MNAT1: variants seen among roughly 807,000 people sequenced by gnomAD.
The protein encoded by MNAT1 is CDK-activating kinase assembly factor MAT1.
Under a neutral mutation model 42.0 loss-of-function variants are expected in MNAT1, and 43 were observed. The observed-to-expected ratio is 1.02, with a 90% CI of 0.80 to 1.32. The LOEUF is 1.32. Ranked by LOEUF, MNAT1 falls within the 40% of genes most tolerant of loss-of-function variation. The pLI is 0.00. For synonymous variants in MNAT1, 118 were observed against 120.0 expected, an observed-to-expected ratio of 0.98 and a Z score of 0.11; for missense variants, 306 against 350.4, an observed-to-expected ratio of 0.87 and a Z score of 1.01.
At chr14:60,918,027 T>A (rs2035564325) in intron 7 of MNAT1, among the ~76,000 whole-genome samples, 2 of 151,910 alleles carry the variant, frequency 1.3e-5, no homozygotes, top group Non-Finnish European at 2.9e-5. Context: ...CTTATCATTA[T>A]CTCTTACTCT....
chr14:60,772,724 A>G (rs1195987810), intron 1 of MNAT1, among the ~76,000 whole-genome samples: 1 of 152,226 alleles, frequency 6.6e-6, no homozygotes, highest in South Asian at 2.1e-4. Context: ...CACAAAGTAT[A>G]TAATCTTATA....
chr14:60,832,503 T>C (rs1159434061), intron 6 of MNAT1, among the ~76,000 whole-genome samples: 3 of 152,170 alleles, frequency 2.0e-5, no homozygotes, highest in Non-Finnish European at 2.9e-5. Flanking sequence ...TGTGGCGTTA[T>C]TTTTGAGGCC....
chr14:60,845,117 A>G (rs1184316576), intron 6 of MNAT1, among the ~76,000 whole-genome samples: 1 of 151,850 alleles, frequency 6.6e-6, no homozygotes, highest in Non-Finnish European at 1.5e-5. Flanking sequence ...AATGCTAGCA[A>G]TGGTTTTGTT....
At chr14:60,878,180 A>G (rs924771097) in intron 6 of MNAT1, among the ~76,000 whole-genome samples, 2 of 152,134 alleles carry the variant, frequency 1.3e-5, no homozygotes, top group Admixed American at 1.3e-4. Context: ...TTTGTGGAAA[A>G]TGGAATTAAA....
At chr14:60,793,482 C>G (rs552539662) in intron 1 of MNAT1, among the ~76,000 whole-genome samples, 3 of 152,258 alleles carry the variant, frequency 2.0e-5, no homozygotes, top group Non-Finnish European at 4.4e-5. Flanking sequence ...CCTGCCTCAG[C>G]CTCCTGAGTA....
intron 1 of MNAT1, among the ~76,000 whole-genome samples, chr14:60,780,770 C>G (rs1034207954): frequency 1.3e-5 from 2 of 152,008 alleles, no homozygotes; most frequent in Non-Finnish European, 2.9e-5. Flanking sequence ...ACCTATTTGA[C>G]TCACCATGGA....
Position 60,958,613 on chromosome 14 carries a change from TTCCTTCTTTC to T in MNAT1, c.810-9615_810-9606del, listed in dbSNP as rs986668592. On this transcript the variant is annotated intron_variant, in intron 7 of 7. Transcript: ENST00000261245. Reference sequence around the variant, plus strand: ...TCTTTCTCTTTCTCTTTCTTTCTTTTTCCTTCTTTCGAGACAAGGTCTTTTTTTTTTTTTT... The same window carrying T: ...TCTTTCTCTTTCTCTTTCTTTCTTTTGAGACAAGGTCTTTTTTTTTTTTTT... Among the ~76,000 whole-genome samples the T allele has an allele frequency of 3.7e-4, 8 of 21,402 alleles. No individual in the cohort carries two copies. The Non-Finnish European group carries it at 3.8e-3, about 10-fold the overall frequency. 14.0% of individuals were successfully genotyped at this position (21,402 alleles called of 152,430 possible). A position where few individuals can be genotyped will look rare whatever the true frequency, so the allele number is the denominator to read the frequency against.
intron 7 of MNAT1, among the ~76,000 whole-genome samples, chr14:60,955,522 C>T (rs145600258): frequency 1.9e-3 from 290 of 152,086 alleles, no homozygotes; most frequent in African/African-American, 6.8e-3. Flanking sequence ...ATCAGCTGGG[C>T]GTGGTGGTGG....
intron 6 of MNAT1, among the ~76,000 whole-genome samples, chr14:60,835,206 T>A (rs2033356730): frequency 6.6e-6 from 1 of 152,166 alleles, no homozygotes; most frequent in East Asian, 1.9e-4. Flanking sequence ...CTTTATCCAA[T>A]TTGCCAGCCT....
At chr14:60,911,361 G>A (rs1329004233) in intron 7 of MNAT1, among the ~76,000 whole-genome samples, 1 of 151,992 alleles carries the variant, frequency 6.6e-6, no homozygotes, top group Non-Finnish European at 1.5e-5. Context: ...CTTGCCTTCT[G>A]CTAGCTTTTG....
intron 1 of MNAT1, among the ~76,000 whole-genome samples, chr14:60,777,617 C>T (rs1202662876): frequency 2.0e-5 from 3 of 151,706 alleles, no homozygotes; most frequent in Non-Finnish European, 1.5e-5. Flanking sequence ...CTGTTGAGGT[C>T]CTCTTTTTGC....
intron 6 of MNAT1, among the ~76,000 whole-genome samples, chr14:60,822,630 C>T (rs1048804741): frequency 2.1e-5 from 3 of 142,772 alleles, no homozygotes; most frequent in Non-Finnish European, 4.6e-5. Flanking sequence ...GGAGAGGAGG[C>T]AGGGTATAGT....
chr14:60,846,442 G>T (rs1168820602), intron 6 of MNAT1, among the ~76,000 whole-genome samples: 1 of 151,710 alleles, frequency 6.6e-6, no homozygotes. Flanking sequence ...TAATATTTAT[G>T]GTTGTCCTTC....
At chr14:60,769,991 T>G (rs991965043) in intron 1 of MNAT1, among the ~76,000 whole-genome samples, 2 of 152,168 alleles carry the variant, frequency 1.3e-5, no homozygotes, top group African/African-American at 4.8e-5. Context: ...TTTTTAAGTG[T>G]ATAGTTCAGT....
intron 6 of MNAT1, among the ~76,000 whole-genome samples, chr14:60,823,252 G>C (rs2032951380): frequency 6.6e-6 from 1 of 152,130 alleles, no homozygotes; most frequent in South Asian, 2.1e-4. Context: ...TCTCCCTTTA[G>C]CTATCCCTGA....
intron 5 of MNAT1, among the ~76,000 whole-genome samples, chr14:60,815,903 A>G (rs567391837): frequency 1.3e-5 from 2 of 152,206 alleles, no homozygotes; most frequent in East Asian, 3.8e-4. Flanking sequence ...TCTTTATACA[A>G]TGTTATAAAT....
chr14:60,788,283 A>G (rs1036563338), intron 1 of MNAT1, among the ~76,000 whole-genome samples: 1 of 152,128 alleles, frequency 6.6e-6, no homozygotes, highest in Non-Finnish European at 1.5e-5. Context: ...TTTCCGAGCA[A>G]TAGGTCTCAA....
rs1308141823 is a variant in MNAT1 at position 60,798,080 on chromosome 14, C to T, written c.243-7C>T. 3 of 1,314,638 alleles carry T rather than the reference C, an allele frequency of 2.3e-6. No homozygotes were observed. The highest frequency in any genetic ancestry group is 3.8e-5 in the Admixed American group (2 of 52,520). 81.4% of individuals were successfully genotyped at this position (1,314,638 alleles called of 1,614,324 possible). On this transcript the variant is annotated splice_region_variant and splice_polypyrimidine_tract_variant and intron_variant, in intron 2 of 7. Coordinates refer to ENST00000261245, the MANE Select transcript of MNAT1 (RefSeq NM_002431.4). ...AATATGTAGATTTCTTTTTTCTTTT[C>T]TTAAAGATACAATAAAAGGGAAGAA...
At chr14:60,758,597 C>T (rs1433865968) in intron 1 of MNAT1, among the ~76,000 whole-genome samples, 1 of 150,946 alleles carries the variant, frequency 6.6e-6, no homozygotes, top group Admixed American at 6.6e-5. Flanking sequence ...CCCAACCCTC[C>T]AAAAAAAAAC....
Sources: gnomAD v4.1 joint callset for allele counts (sites outside exome capture counted in the v4.1 genomes callset) on GRCh38, gnomAD v4.1.1 for gene constraint, MANE v1.5 for transcripts, NCBI Gene and HGNC (gene_info 2026-07-23, HGNC 2026-07-21) for gene names.